The following PAX7 variants were observed in gnomAD, a reference collection of about 807,000 sequenced individuals.
The protein encoded by PAX7 is paired box protein Pax-7.
A neutral mutation model predicts 50.7 loss-of-function variants in PAX7; 18 were observed. The observed-to-expected ratio is 0.36, with a 90% CI of 0.25 to 0.53. PAX7 has a LOEUF of 0.53. Ranked by LOEUF, PAX7 falls within the 20% of genes least tolerant of loss-of-function variation. PAX7 has a pLI of 0.93. For synonymous variants in PAX7, 310 were observed against 290.4 expected (o/e 1.07, Z -0.69); for missense variants, 644 against 702.9 (o/e 0.92, Z 0.95).
chr1:18,721,490 C>G (rs1479892973), intron 7 of PAX7, among the ~76,000 whole-genome samples: 1 of 152,264 alleles, frequency 6.6e-6, no homozygotes, highest in Non-Finnish European at 1.5e-5. Context: ...CAAAGACACT[C>G]TCAGATAAGC....
chr1:18,669,962 T>C (rs1227640436), intron 4 of PAX7, among the ~76,000 whole-genome samples: 1 of 151,508 alleles, frequency 6.6e-6, no homozygotes, highest in African/African-American at 2.4e-5. Flanking sequence ...CACGTGCCTG[T>C]AGGCCAGCTA....
At chr1:18,649,740 G>C (rs969040484) in intron 4 of PAX7, among the ~76,000 whole-genome samples, 2 of 152,210 alleles carry the variant, frequency 1.3e-5, no homozygotes, top group Non-Finnish European at 2.9e-5. Context: ...TCAACAGCAA[G>C]GGAAAATAAA....
Position 18,664,930 on chromosome 1 carries a change from C to T in PAX7, c.587-26824C>T, listed in dbSNP as rs144040021. Among the ~76,000 whole-genome samples, 233 of 152,238 alleles carry T rather than the reference C, an allele frequency of 1.5e-3. 1 individual carries two copies. The highest frequency in any genetic ancestry group is 0.01 in the South Asian group (49 of 4,818). On this transcript the variant is annotated intron_variant, in intron 4 of 8. Coordinates refer to ENST00000420770, the MANE Select transcript of PAX7 (RefSeq NM_001135254.2). The stretch of plus-strand genomic sequence containing the variant: ...AGTGGGAGACATTACCCTTTGGTTC[C>T]AGTGATTCTAAACCTGGCAGTGTAG...
At chr1:18,739,839 G>A (rs777569831) in intron 8 of PAX7, among the ~76,000 whole-genome samples, 1 of 152,184 alleles carries the variant, frequency 6.6e-6, no homozygotes, top group Non-Finnish European at 1.5e-5. Flanking sequence ...CCAGGGATGG[G>A]GCACATGGCA....
At chr1:18,639,123 G>T (rs915123589) in intron 4 of PAX7, among the ~76,000 whole-genome samples, 2 of 152,102 alleles carry the variant, frequency 1.3e-5, no homozygotes, top group Non-Finnish European at 2.9e-5. Flanking sequence ...CCTATCGTCC[G>T]CTTGGCATTT....
At chr1:18,707,975 T>C (rs1402972455) in intron 7 of PAX7, among the ~76,000 whole-genome samples, 1 of 152,118 alleles carries the variant, frequency 6.6e-6, no homozygotes, top group Non-Finnish European at 1.5e-5. Context: ...GCAAATGCTT[T>C]TCAGGAGGTT....
rs535830630 is a variant in PAX7, at chr1:18,734,842, G to C, written c.1156-790G>C. The stretch of plus-strand genomic sequence containing the variant: ...GGGGCCAGAGTCACCATCCATGCCT[G>C]TTTGTGGAGTAAACAAGTGAACATC... On this transcript the variant is annotated intron_variant, in intron 7 of 8. Transcript: ENST00000420770. Among the ~76,000 whole-genome samples the C allele has an allele frequency of 9.8e-5, 15 of 152,296 alleles. 1 individual carries two copies. The South Asian group carries it at 3.1e-3, about 32-fold the overall frequency.
chr1:18,714,153 G>C (rs1403895120), intron 7 of PAX7, among the ~76,000 whole-genome samples: 1 of 151,858 alleles, frequency 6.6e-6, no homozygotes, highest in African/African-American at 2.4e-5. Flanking sequence ...GCTGCAGTGA[G>C]CCGAGATCTA....
chr1:18,666,622 T>G (rs1246518097), intron 4 of PAX7, among the ~76,000 whole-genome samples: 1 of 151,974 alleles, frequency 6.6e-6, no homozygotes, highest in Non-Finnish European at 1.5e-5. Flanking sequence ...GGCTTTGGGG[T>G]GGGGGAAAGG....
chr1:18,634,438 G>A lies in PAX7; in HGVS notation c.221G>A (p.Arg74Gln), dbSNP rs755501864. 8.1e-6 allele frequency: 13 copies of A among 1,614,202 alleles called. No homozygotes were observed. The highest frequency in any genetic ancestry group is 3.3e-5 in the Admixed American group (2 of 60,034). The stretch of plus-strand genomic sequence containing the variant: ...GGCATCCGGCCCTGTGTCATCTCCC[G>A]ACAGCTGCGTGTCTCCCACGGCTGC... The part of the protein sequence containing the change: ...HHGIRPCVIS[R>Q]QLRVSHGCVS... The change falls in exon 2 of 9, where the codon CGA becomes CAA. Residue 74 changes from arginine (R) to glutamine (Q), a missense_variant. Physicochemically the swap from Arg to Gln is conservative, Grantham distance 43. Coordinates refer to ENST00000420770, the MANE Select transcript of PAX7 (RefSeq NM_001135254.2). This position sits in a 1 kb window ranked among gnomAD's most constrained non-coding sequence, Gnocchi z 4.0.
At chr1:18,722,387 C>T (rs1348329573) in intron 7 of PAX7, among the ~76,000 whole-genome samples, 3 of 152,212 alleles carry the variant, frequency 2.0e-5, no homozygotes, top group Admixed American at 6.5e-5. Flanking sequence ...GGGACTGAAA[C>T]GAGACAACAT....
At position 18,636,576 on chromosome 1, in the gene PAX7, C is replaced by G. The variant is rs1364347341; in HGVS notation, c.586+205C>G. 1.3e-5 allele frequency among the ~76,000 whole-genome samples: 2 copies of G among 152,250 alleles called. No individual in the cohort carries two copies. The highest frequency in any genetic ancestry group is 2.9e-5 in the Non-Finnish European group (2 of 68,044). ...CCCCGGATGCCGGCTAGATGCGAAG[C>G]CCGCGCCTTCTTTGCGCTATGGAGG... On this transcript the variant is annotated intron_variant, in intron 4 of 8. Coordinates refer to ENST00000420770, the MANE Select transcript of PAX7 (RefSeq NM_001135254.2). This position sits in a 1 kb window ranked among gnomAD's most constrained non-coding sequence, Gnocchi z 5.1.
intron 4 of PAX7, among the ~76,000 whole-genome samples, chr1:18,681,979 C>T (rs1420894278): frequency 6.6e-6 from 1 of 152,212 alleles, no homozygotes; most frequent in East Asian, 1.9e-4. Context: ...CTCAGATGAT[C>T]CACCCACCTT....
At position 18,746,256 on chromosome 1, in the gene PAX7, C is replaced by T. The variant is rs527848106; in HGVS notation, c.*1327C>T. 261 of 230,342 alleles carry T rather than the reference C, an allele frequency of 1.1e-3. No individual in the cohort carries two copies. The highest frequency in any genetic ancestry group is 5.2e-3 in the African/African-American group (237 of 45,282). 14.3% of individuals were successfully genotyped at this position (230,342 alleles called of 1,614,324 possible). Reference sequence around the variant, plus strand: ...GCCAAGAGGTCCCTGCCTCCTGATCCGGCACAGCTGAGCTGAGGCAGATGT... The same window carrying T: ...GCCAAGAGGTCCCTGCCTCCTGATCTGGCACAGCTGAGCTGAGGCAGATGT... On this transcript the variant is annotated 3_prime_UTR_variant, in exon 9 of 9. Coordinates refer to ENST00000420770, the MANE Select transcript of PAX7 (RefSeq NM_001135254.2).
intron 5 of PAX7, among the ~76,000 whole-genome samples, chr1:18,698,829 A>C (rs2089181017): frequency 6.6e-6 from 1 of 152,120 alleles, no homozygotes; most frequent in Non-Finnish European, 1.5e-5. Flanking sequence ...GAAAGCCGGC[A>C]GCTCTTGTTT....
chr1:18,647,076 G>A (rs1276065868), intron 4 of PAX7, among the ~76,000 whole-genome samples: 1 of 151,258 alleles, frequency 6.6e-6, no homozygotes, highest in Non-Finnish European at 1.5e-5. Context: ...GGCGGGGGAC[G>A]GAACAAAACA....
chr1:18,703,407 G>A, intron 7 of PAX7, 111 bp downstream of exon 7: 1 of 978,964 alleles, frequency 1.0e-6, no homozygotes, highest in South Asian at 1.4e-5. Context: ...GCTGACTGCG[G>A]TTGGGGTTTT....
At chr1:18,658,007 C>T (rs562828029) in intron 4 of PAX7, among the ~76,000 whole-genome samples, 38 of 152,284 alleles carry the variant, frequency 2.5e-4, no homozygotes, top group Admixed American at 1.8e-3. Context: ...GAATACCTCT[C>T]AATGGCCCTC....
In PAX7 at chr1:18,635,260, G is replaced by T. The variant is rs183827251; in HGVS notation, c.451+20G>T. 7 of 1,612,336 alleles carry T rather than the reference G, an allele frequency of 4.3e-6. No homozygotes were observed. Among genetic ancestry groups the T allele is most frequent in the Middle Eastern group, 1.7e-4 (1 of 5,974 alleles). ...CCTCAGGTGAGAAGGCAGCTGAGCC[G>T]GCAGAGCTGGCCCAGAGTGTGGCCA... is the stretch of plus-strand genomic sequence containing the variant. On this transcript the variant is annotated intron_variant, in intron 3 of 8. Coordinates refer to ENST00000420770, the MANE Select transcript of PAX7 (RefSeq NM_001135254.2).
Sources: gnomAD v4.1 joint callset for allele counts (sites outside exome capture counted in the v4.1 genomes callset) on GRCh38, gnomAD v4.1.1 for gene constraint, Gnocchi (gnomAD v3.1) non-coding constraint, MANE v1.5 for transcripts, NCBI Gene and HGNC (gene_info 2026-07-23, HGNC 2026-07-21) for gene names.